Variants in RNF213 observed in about 807,000 individuals in gnomAD.
RNF213 encodes E3 ubiquitin-protein ligase RNF213.
A neutral mutation model predicts 514.4 loss-of-function variants in RNF213; 341 were observed. That is an observed-to-expected ratio of 0.66 (90% CI 0.61 to 0.73). The LOEUF is 0.73. Among genes scored for constraint, RNF213 ranks in the 30% least tolerant of loss-of-function variants. RNF213 has a pLI of 0.00. For synonymous variants in RNF213, 2,655 were observed against 2,658.2 expected, an observed-to-expected ratio of 1.00 and a Z score of 0.04; for missense variants, 5,767 against 6,615.6, an observed-to-expected ratio of 0.87 and a Z score of 4.45.
chr17:80,345,025 G>A lies in RNF213; in HGVS notation c.6690G>A (p.Glu2230=). Residue 2230 remains glutamate (E), a synonymous_variant, in exon 29 of 68, where the codon GAG becomes GAA. Coordinates refer to ENST00000582970, the MANE Select transcript of RNF213 (RefSeq NM_001256071.3). The surrounding 1 kb of genome is among the most constrained non-coding windows in gnomAD (Gnocchi z 6.0). Reference sequence around the variant, plus strand: ...TGAATTATCAGCTCAGAGATTGTGAGGCCTCTCTCTTCTGCAATCCGAGTT... The same window carrying A: ...TGAATTATCAGCTCAGAGATTGTGAAGCCTCTCTCTTCTGCAATCCGAGTT... ...RFLNYQLRDC[E]ASLFCNPSFI... 2 of 1,614,112 alleles carry A rather than the reference G, an allele frequency of 1.2e-6. No homozygotes were observed. Among genetic ancestry groups the A allele is most frequent in the Non-Finnish European group, 1.7e-6 (2 of 1,180,032 alleles).
intron 14 of RNF213, among the ~76,000 whole-genome samples, chr17:80,310,110 C>T (rs918632426): frequency 2.6e-5 from 4 of 151,996 alleles, no homozygotes; most frequent in African/African-American, 9.7e-5. Context: ...CCGACTTTCC[C>T]CACTCACCCC....
intron 49 of RNF213, 87 bp downstream of exon 49, chr17:80,373,252 C>G (rs2079593518): frequency 9.4e-7 from 1 of 1,061,090 alleles, no homozygotes; most frequent in African/African-American, 3.3e-5. Flanking sequence ...CCCTCACACC[C>G]TACCCCCCCC....
In RNF213 at chr17:80,345,238, G is replaced by A. The variant is rs147469449; in HGVS notation, c.6903G>A (p.Glu2301=). 266 of 1,613,960 alleles carry A rather than the reference G, an allele frequency of 1.6e-4. No homozygotes were observed. The highest frequency in any genetic ancestry group is 5.7e-4 in the South Asian group (52 of 91,076). ...CCCTCCGGAAGAGGTGGGAGTCGGA[G>A]CCTCACCCATACGTTTTCTTCAATG... ...PFSLRKRWES[E]PHPYVFFNDD... Residue 2301 remains glutamate, a synonymous_variant, in exon 29 of 68, where the codon GAG becomes GAA. Transcript: ENST00000582970. This position sits in a 1 kb window ranked among gnomAD's most constrained non-coding sequence, Gnocchi z 6.0.
chr17:80,384,892 T>C, intron 59 of RNF213, 147 bp from the exon 60 acceptor site: 1 of 869,498 alleles, frequency 1.2e-6, no homozygotes, highest in African/African-American at 1.7e-5. Flanking sequence ...CTTTTCCCGT[T>C]TTCAAGCTCC....
Position 80,375,280 on chromosome 17 carries a change from C to A in RNF213, c.13075-480C>A, listed in dbSNP as rs565272742. On this transcript the variant is annotated intron_variant, in intron 50 of 67. Coordinates refer to ENST00000582970, the MANE Select transcript of RNF213 (RefSeq NM_001256071.3). ...CCAAAAGTTGCTCGCCAGAAGACTG[C>A]CCATGTGGGGCATGACCCCAGGTGT... 3.9e-5 allele frequency among the ~76,000 whole-genome samples: 6 copies of A among 152,322 alleles called. No homozygotes were observed. The East Asian group carries it at 5.8e-4, about 15-fold the overall frequency.
chr17:80,290,729 G>A lies in RNF213; in HGVS notation c.1271+1G>A. The A allele has an allele frequency of 6.2e-7, 1 of 1,614,200 alleles. No individual in the cohort carries two copies. The highest frequency in any genetic ancestry group is 1.1e-5 in the South Asian group (1 of 91,090). ...ATATCTGTGAGCTGCACTACACCAG[G>A]TGAGCGTGTCTGTAGGCTTGGGAGG... On this transcript the variant is annotated splice_donor_variant, in intron 7 of 67. Coordinates refer to ENST00000582970, the MANE Select transcript of RNF213 (RefSeq NM_001256071.3). LOFTEE classifies it high-confidence loss of function.
Position 80,346,521 on chromosome 17 carries a change from A to T in RNF213, c.8186A>T (p.Gln2729Leu), listed in dbSNP as rs1378508895. Residue 2729 changes from glutamine to leucine, a missense_variant, in exon 29 of 68, where the codon CAG becomes CTG. By Grantham distance (113) the Gln-to-Leu change is moderately radical. Transcript: ENST00000582970. The surrounding 1 kb of genome is among the most constrained non-coding windows in gnomAD (Gnocchi z 8.1). ...RLLLDEITRA[Q>L]DLFLDGVPLR... Reference sequence around the variant, plus strand: ...CTTCTGGATGAAATAACACGGGCACAGGATCTTTTTCTGGACGGCGTACCT... The same window carrying T: ...CTTCTGGATGAAATAACACGGGCACTGGATCTTTTTCTGGACGGCGTACCT... 9 of 1,613,642 alleles carry T rather than the reference A, an allele frequency of 5.6e-6. No homozygotes were observed. The highest frequency in any genetic ancestry group is 7.6e-6 in the Non-Finnish European group (9 of 1,180,042).
chr17:80,374,239 C>T (rs924232477), intron 49 of RNF213, among the ~76,000 whole-genome samples: 2 of 152,206 alleles, frequency 1.3e-5, no homozygotes, highest in African/African-American at 4.8e-5. Context: ...GCGCTGCCGT[C>T]GGCAGGCATT....
In RNF213 at chr17:80,334,202, G is replaced by A. The variant is rs1251015597; in HGVS notation, c.4241G>A (p.Arg1414Gln). 1.4e-5 allele frequency: 21 copies of A among 1,537,082 alleles called. No homozygotes were observed. The highest frequency in any genetic ancestry group is 1.6e-5 in the Non-Finnish European group (18 of 1,146,898). ...CTGCTCCAGGACATCAGCGAGGCCC[G>A]GTGCAAGGGGCTGCAGGCTCTGTCC... The part of the protein sequence containing the change: ...KKLLQDISEA[R>Q]CKGLQALSLR... Residue 1414 changes from arginine to glutamine, a missense_variant, in exon 22 of 68, where the codon CGG becomes CAG. Arg to Gln is a conservative substitution (Grantham distance 43). Around this residue, in one of 13 missense-constraint regions of RNF213, gnomAD observed 516 missense variants for 566.5 expected, o/e 0.91. Transcript: ENST00000582970.
intron 17 of RNF213, among the ~76,000 whole-genome samples, chr17:80,322,755 G>A: frequency 6.6e-6 from 1 of 152,034 alleles, no homozygotes; most frequent in Admixed American, 6.6e-5. Flanking sequence ...TTTTATTATA[G>A]AGTTGGGAGT....
chr17:80,347,728 C>A lies in RNF213; in HGVS notation c.9393C>A (p.Leu3131=), dbSNP rs764628653. Residue 3131 remains leucine, a synonymous_variant, in exon 29 of 68, where the codon CTC becomes CTA. Transcript: ENST00000582970. The surrounding 1 kb of genome is among the most constrained non-coding windows in gnomAD (Gnocchi z 7.2). ...TCGGCGGCCAGAAGTACGTGGACCT[C>A]GGTCTGGGGACCCACCGCGTCAAAT... ...VHLGGQKYVD[L]GLGTHRVKCR... 8 of 1,614,018 alleles carry A rather than the reference C, an allele frequency of 5.0e-6. No individual in the cohort carries two copies. In the African/African-American group the frequency reaches 1.1e-4, roughly 22 times the overall value.
chr17:80,350,911 G>C (rs749305144), intron 31 of RNF213, among the ~76,000 whole-genome samples: 5 of 152,222 alleles, frequency 3.3e-5, no homozygotes, highest in Non-Finnish European at 5.9e-5. Context: ...TATTAATTTT[G>C]AATTATACAA....
At position 80,363,791 on chromosome 17, in the gene RNF213, G is replaced by T. The variant is rs771548492; in HGVS notation, c.11750+1G>T. The stretch of plus-strand genomic sequence containing the variant: ...CCCAGGCTGTCATCAGGGAAGTCAG[G>T]TGAGACCCAGGAGCCCTCACCCACT... On this transcript the variant is annotated splice_donor_variant, in intron 41 of 67. Coordinates refer to ENST00000582970, the MANE Select transcript of RNF213 (RefSeq NM_001256071.3). LOFTEE classifies it high-confidence loss of function. The T allele has an allele frequency of 6.2e-7, 1 of 1,612,696 alleles. No homozygotes were observed. Among genetic ancestry groups the T allele is most frequent in the Non-Finnish European group, 8.5e-7 (1 of 1,179,918 alleles).
At chr17:80,285,737 A>G (rs1209833970) in intron 3 of RNF213, among the ~76,000 whole-genome samples, 1 of 149,038 alleles carries the variant, frequency 6.7e-6, no homozygotes, top group Non-Finnish European at 1.5e-5. Context: ...GTTGCGTAAT[A>G]TCGGCTGACC....
intron 18 of RNF213, among the ~76,000 whole-genome samples, chr17:80,327,486 A>C (rs2046310023): frequency 6.6e-6 from 1 of 152,182 alleles, no homozygotes; most frequent in Admixed American, 6.5e-5. Flanking sequence ...GTCAAAAAAA[A>C]AAAAAAAAGG....
At chr17:80,296,283 G>GT (rs1181866009) in intron 10 of RNF213, among the ~76,000 whole-genome samples, 4 of 152,308 alleles carry the variant, frequency 2.6e-5, no homozygotes, top group African/African-American at 9.6e-5. Flanking sequence ...GCCTCCCAAA[G>GT]TGCTAGGATT....
chr17:80,379,517 C>T (rs986675287), intron 54 of RNF213, 103 bp from the exon 55 acceptor site: 17 of 1,082,016 alleles, frequency 1.6e-5, no homozygotes, highest in Non-Finnish European at 8.6e-6. Context: ...TCTGAGGGTG[C>T]TCACGTCTGC....
At chr17:80,338,632 T>G (rs1291143143) in intron 25 of RNF213, among the ~76,000 whole-genome samples, 8 of 94,156 alleles carry the variant, frequency 8.5e-5, no homozygotes, top group South Asian at 6.4e-4. Flanking sequence ...AGTATAAGGT[T>G]TTTTTTTTTC....
chr17:80,355,094 T>C, intron 36 of RNF213: 1 of 419,202 alleles, frequency 2.4e-6, no homozygotes, highest in Non-Finnish European at 4.8e-6. Flanking sequence ...AGGGGTGCTC[T>C]GGGCCCCAGA....
Sources: gnomAD v4.1 joint callset for allele counts (sites outside exome capture counted in the v4.1 genomes callset) on GRCh38, gnomAD v4.1.1 for gene constraint, gnomAD v4.1.1 regional missense constraint, Gnocchi (gnomAD v3.1) non-coding constraint, MANE v1.5 for transcripts, NCBI Gene and HGNC (gene_info 2026-07-23, HGNC 2026-07-21) for gene names.